ARRDC4: variants seen among roughly 807,000 people sequenced by gnomAD.
The protein encoded by ARRDC4 is arrestin domain-containing protein 4.
Under a neutral mutation model 44.6 loss-of-function variants are expected in ARRDC4, and 40 were observed. The observed-to-expected ratio is 0.90, with a 90% CI of 0.70 to 1.17. The LOEUF is 1.17. ARRDC4 is among the 50% of genes most tolerant of loss of function. The pLI is 0.00. For synonymous variants in ARRDC4, 211 were observed against 221.2 expected (o/e 0.95, Z 0.41); for missense variants, 550 against 559.1 (o/e 0.98, Z 0.16).
chr15:97,970,180 A>G lies in ARRDC4; in HGVS notation c.1045+135A>G, dbSNP rs576163386. 11 of 1,016,878 alleles carry G rather than the reference A, an allele frequency of 1.1e-5. No individual in the cohort carries two copies. The African/African-American group carries it at 1.3e-4, about 12-fold the overall frequency. 63.0% of individuals were successfully genotyped at this position (1,016,878 alleles called of 1,614,324 possible). A position where few individuals can be genotyped will look rare whatever the true frequency, so the allele number is the denominator to read the frequency against. On this transcript the variant is annotated intron_variant, in intron 6 of 7. Coordinates refer to ENST00000268042, the MANE Select transcript of ARRDC4 (RefSeq NM_183376.3). The surrounding 1 kb of genome is among the most constrained non-coding windows in gnomAD (Gnocchi z 4.2). Reference sequence around the variant, plus strand: ...GTATCTTTATTCCTACTACTAAAAAATCAGAAAGCATTAGTCCTGGGAGGG... The same window carrying G: ...GTATCTTTATTCCTACTACTAAAAAGTCAGAAAGCATTAGTCCTGGGAGGG...
At position 97,961,124 on chromosome 15, in the gene ARRDC4, T is replaced by G. The variant is rs760570731; in HGVS notation, c.263T>G (p.Val88Gly). 103 of 1,457,544 alleles carry G rather than the reference T, an allele frequency of 7.1e-5. No individual in the cohort carries two copies. In the East Asian group the frequency reaches 2.9e-3, roughly 41 times the overall value. 90.3% of individuals were successfully genotyped at this position (1,457,544 alleles called of 1,614,324 possible). ...GCGGCCCTGGCTGTCTTCTCGGAGG[T>G]GGAGTACCTGAACGTGCGCCTCAGC... ...STAALAVFSE[V>G]EYLNVRLSLR... Residue 88 changes from valine (V) to glycine (G), a missense_variant, in exon 1 of 8, where the codon GTG becomes GGG. Val to Gly is a moderately radical substitution (Grantham distance 109). Coordinates refer to ENST00000268042, the MANE Select transcript of ARRDC4 (RefSeq NM_183376.3).
rs1445233617 is a variant in ARRDC4 at position 97,965,708 on chromosome 15, G to A, written c.374+42G>A. 1.3e-6 allele frequency: 2 copies of A among 1,571,246 alleles called. No individual in the cohort carries two copies. Among genetic ancestry groups the A allele is most frequent in the Non-Finnish European group, 1.8e-6 (2 of 1,141,310 alleles). ...AATTTTGTGGTTATCCTTCTCTGCA[G>A]TATGTCCATTCAAGTTTATCACTGC... On this transcript the variant is annotated intron_variant, in intron 2 of 7. Coordinates refer to ENST00000268042, the MANE Select transcript of ARRDC4 (RefSeq NM_183376.3). The surrounding 1 kb of genome is among the most constrained non-coding windows in gnomAD (Gnocchi z 5.1).
chr15:97,963,648 T>C (rs1899363781), intron 1 of ARRDC4, among the ~76,000 whole-genome samples: 1 of 152,216 alleles, frequency 6.6e-6, no homozygotes, highest in African/African-American at 2.4e-5. Flanking sequence ...TGTTCCTATG[T>C]GGGTGCTCTA....
chr15:97,962,082 C>T (rs549790728), intron 1 of ARRDC4, among the ~76,000 whole-genome samples: 19 of 152,298 alleles, frequency 1.2e-4, no homozygotes, highest in Admixed American at 4.6e-4. Flanking sequence ...TACGTTTTTG[C>T]CATGAGCTTT....
In ARRDC4 at chr15:97,966,150, G is replaced by C; in HGVS notation, c.522+108G>C. ...AGCCAGTTTACTGGTAGTCTGTCCTGTCACTTTCTGATGGCTTGGAAAACA... is the reference window on the plus strand; with the variant it reads ...AGCCAGTTTACTGGTAGTCTGTCCTCTCACTTTCTGATGGCTTGGAAAACA... On this transcript the variant is annotated intron_variant, in intron 3 of 7. Transcript: ENST00000268042. This position sits in a 1 kb window ranked among gnomAD's most constrained non-coding sequence, Gnocchi z 4.7. The C allele has an allele frequency of 4.8e-6, 6 of 1,262,732 alleles. No homozygotes were observed. Among genetic ancestry groups the C allele is most frequent in the Non-Finnish European group, 4.4e-6 (4 of 915,538 alleles). The allele number at this position is 1,262,732 out of a possible 1,614,324, so 78.2% of individuals were successfully genotyped here. A position where few individuals can be genotyped will look rare whatever the true frequency, so the allele number is the denominator to read the frequency against.
chr15:97,963,164 C>T (rs1899350637), intron 1 of ARRDC4, among the ~76,000 whole-genome samples: 1 of 152,170 alleles, frequency 6.6e-6, no homozygotes, highest in Non-Finnish European at 1.5e-5. Context: ...CTCATCAAAA[C>T]CTTTAATTAT....
At position 97,960,816 on chromosome 15, in the gene ARRDC4, C is replaced by G. The variant is rs1248474115; in HGVS notation, c.-46C>G. ...CGCCGCTGTGCTCGCGACCCCGGCT[C>G]CGGGCCTCTGCCGACCTCAGGGGCA... On this transcript the variant is annotated 5_prime_UTR_variant, in exon 1 of 8. Transcript: ENST00000268042. 1 of 1,264,832 alleles carries G rather than the reference C, an allele frequency of 7.9e-7. No homozygotes were observed. The highest frequency in any genetic ancestry group is 9.9e-7 in the Non-Finnish European group (1 of 1,006,594). 78.4% of individuals were successfully genotyped at this position (1,264,832 alleles called of 1,614,324 possible).
rs1899514388 is a variant in ARRDC4 at position 97,971,478 on chromosome 15, T to C, written c.*291T>C. 3 of 377,596 alleles carry C rather than the reference T, an allele frequency of 7.9e-6. No homozygotes were observed. The South Asian group carries it at 8.1e-5, about 10-fold the overall frequency. The allele number at this position is 377,596 out of a possible 1,614,324, so 23.4% of individuals were successfully genotyped here. A position where few individuals can be genotyped will look rare whatever the true frequency, so the allele number is the denominator to read the frequency against. On this transcript the variant is annotated 3_prime_UTR_variant, in exon 8 of 8. Coordinates refer to ENST00000268042, the MANE Select transcript of ARRDC4 (RefSeq NM_183376.3). The stretch of plus-strand genomic sequence containing the variant: ...GTTACAGAGTAAGTGAAAGGGTGCC[T>C]GCGCTGACGTGAGAGAAAGGAATCT...
At position 97,971,167 on chromosome 15, in the gene ARRDC4, C is replaced by G; in HGVS notation, c.1237C>G (p.Pro413Ala). 6.2e-7 allele frequency: 1 copy of G among 1,613,320 alleles called. No homozygotes were observed. The highest frequency in any genetic ancestry group is 2.2e-5 in the East Asian group (1 of 44,876). ...PHPSDVEESQ[P>A]VSFIL ...TCCTAGCGACGTAGAAGAGAGCCAG[C>G]CTGTTTCCTTCATTCTCTGAACGTA... is the stretch of plus-strand genomic sequence containing the variant. The change falls in exon 8 of 8, where the codon CCT becomes GCT. Residue 413 changes from proline (P) to alanine (A), a missense_variant. Pro to Ala is a conservative substitution (Grantham distance 27). Transcript: ENST00000268042.
In ARRDC4 at chr15:97,964,397, A is replaced by G. The variant is rs1215845113; in HGVS notation, c.308-1203A>G. Among the ~76,000 whole-genome samples, 5 of 152,198 alleles carry G rather than the reference A, an allele frequency of 3.3e-5. No homozygotes were observed. The East Asian group carries it at 7.7e-4, about 24-fold the overall frequency. Reference sequence around the variant, plus strand: ...CCGATTTCTTCATCTTATTTATCCTATCCACAATAAGGGAATTCAATATTA... The same window carrying G: ...CCGATTTCTTCATCTTATTTATCCTGTCCACAATAAGGGAATTCAATATTA... On this transcript the variant is annotated intron_variant, in intron 1 of 7. Coordinates refer to ENST00000268042, the MANE Select transcript of ARRDC4 (RefSeq NM_183376.3).
In ARRDC4 at chr15:97,966,194, G is replaced by A; in HGVS notation, c.522+152G>A. On this transcript the variant is annotated intron_variant, in intron 3 of 7. Coordinates refer to ENST00000268042, the MANE Select transcript of ARRDC4 (RefSeq NM_183376.3). This position sits in a 1 kb window ranked among gnomAD's most constrained non-coding sequence, Gnocchi z 4.7. ...GAAAACACAATCTTGTAACCCAAAG[G>A]CATTCACTATAAATATATGATTCTA... is the stretch of plus-strand genomic sequence containing the variant. 1 of 870,454 alleles carries A rather than the reference G, an allele frequency of 1.1e-6. No individual in the cohort carries two copies. The highest frequency in any genetic ancestry group is 1.7e-5 in the African/African-American group (1 of 58,748). 53.9% of individuals were successfully genotyped at this position (870,454 alleles called of 1,614,324 possible).
chr15:97,961,062 G>C lies in ARRDC4; in HGVS notation c.201G>C (p.Trp67Cys). 1 of 1,429,170 alleles carries C rather than the reference G, an allele frequency of 7.0e-7. No individual in the cohort carries two copies. The highest frequency in any genetic ancestry group is 9.1e-7 in the Non-Finnish European group (1 of 1,096,812). 88.5% of individuals were successfully genotyped at this position (1,429,170 alleles called of 1,614,324 possible). A position where few individuals can be genotyped will look rare whatever the true frequency, so the allele number is the denominator to read the frequency against. ...CCCAGGGGCGCGCCACCGCCGCCTG[G>C]GGCCCGAGCACCTGCCCCCGCGCCT... is the stretch of plus-strand genomic sequence containing the variant. The part of the protein sequence containing the change: ...LEAQGRATAA[W>C]GPSTCPRASA... The change falls in exon 1 of 8, where the codon TGG (tryptophan) becomes TGC (cysteine). Residue 67 changes from tryptophan (W) to cysteine (C), a missense_variant. By Grantham distance (215) the Trp-to-Cys change is radical. Transcript: ENST00000268042.
At chr15:97,963,297 T>G (rs1285631029) in intron 1 of ARRDC4, among the ~76,000 whole-genome samples, 3 of 152,230 alleles carry the variant, frequency 2.0e-5, no homozygotes, top group Non-Finnish European at 4.4e-5. Context: ...TGGTTCAGCT[T>G]GTGAACCTTT....
rs1172212652 is a variant in ARRDC4, at chr15:97,960,850, T to C, written c.-12T>C. 2 of 1,334,250 alleles carry C rather than the reference T, an allele frequency of 1.5e-6. No homozygotes were observed. The highest frequency in any genetic ancestry group is 1.9e-6 in the Non-Finnish European group (2 of 1,038,070). 82.7% of individuals were successfully genotyped at this position (1,334,250 alleles called of 1,614,324 possible). ...TGCCGACCTCAGGGGCAGGAAAGAG[T>C]CGCCCGGCGGGATGGGCGGGGAGGC... On this transcript the variant is annotated 5_prime_UTR_variant, in exon 1 of 8. Coordinates refer to ENST00000268042, the MANE Select transcript of ARRDC4 (RefSeq NM_183376.3).
In ARRDC4 at chr15:97,970,840, A is replaced by G; in HGVS notation, c.1200+97A>G. 2 of 1,362,290 alleles carry G rather than the reference A, an allele frequency of 1.5e-6. No individual in the cohort carries two copies. Among genetic ancestry groups the G allele is most frequent in the Non-Finnish European group, 2.0e-6 (2 of 991,992 alleles). The allele number at this position is 1,362,290 out of a possible 1,614,324, so 84.4% of individuals were successfully genotyped here. Reference sequence around the variant, plus strand: ...TTAGAGTGTCTGTTGCTGACTCATAATTAGTAAGGGATACATTTAAATTTG... The same window carrying G: ...TTAGAGTGTCTGTTGCTGACTCATAGTTAGTAAGGGATACATTTAAATTTG... On this transcript the variant is annotated intron_variant, in intron 7 of 7. Coordinates refer to ENST00000268042, the MANE Select transcript of ARRDC4 (RefSeq NM_183376.3). The surrounding 1 kb of genome is among the most constrained non-coding windows in gnomAD (Gnocchi z 4.2).
intron 1 of ARRDC4, among the ~76,000 whole-genome samples, chr15:97,962,181 A>G (rs990392698): frequency 2.0e-5 from 3 of 152,190 alleles, no homozygotes; most frequent in African/African-American, 4.8e-5. Context: ...ACAAAATATA[A>G]TAGAATATGT....
chr15:97,970,195 T>G lies in ARRDC4; in HGVS notation c.1045+150T>G. On this transcript the variant is annotated intron_variant, in intron 6 of 7. Coordinates refer to ENST00000268042, the MANE Select transcript of ARRDC4 (RefSeq NM_183376.3). This position sits in a 1 kb window ranked among gnomAD's most constrained non-coding sequence, Gnocchi z 4.2. ...CTACTAAAAAATCAGAAAGCATTAG[T>G]CCTGGGAGGGACTTTGAAAGTTTAG... The G allele has an allele frequency of 1.0e-6, 1 of 956,608 alleles. No individual in the cohort carries two copies. Among genetic ancestry groups the G allele is most frequent in the Non-Finnish European group, 1.5e-6 (1 of 684,210 alleles). 59.3% of individuals were successfully genotyped at this position (956,608 alleles called of 1,614,324 possible).
Position 97,969,335 on chromosome 15 carries a change from T to A in ARRDC4, c.838T>A (p.Ser280Thr), listed in dbSNP as rs1167282360. The A allele has an allele frequency of 6.2e-7, 1 of 1,613,734 alleles. No homozygotes were observed. The highest frequency in any genetic ancestry group is 8.5e-7 in the Non-Finnish European group (1 of 1,179,822). ...KTLKIPPVTP[S>T]ILDCCIIRVD... ...GCTAAAAATCCCACCTGTTACTCCA[T>A]CCATCCTGGATTGCTGCATTATCAG... is the stretch of plus-strand genomic sequence containing the variant. The change falls in exon 5 of 8, where the codon TCC (serine) becomes ACC (threonine). Residue 280 changes from serine (S) to threonine (T), a missense_variant. Ser to Thr is a moderately conservative substitution (Grantham distance 58). Transcript: ENST00000268042.
Position 97,970,693 on chromosome 15 carries a change from T to G in ARRDC4, c.1150T>G (p.Phe384Val). 3 of 1,613,580 alleles carry G rather than the reference T, an allele frequency of 1.9e-6. No homozygotes were observed. Among genetic ancestry groups the G allele is most frequent in the Non-Finnish European group, 2.5e-6 (3 of 1,179,650 alleles). Residue 384 changes from phenylalanine to valine, a missense_variant, in exon 7 of 8, where the codon TTT becomes GTT. By Grantham distance (50) the Phe-to-Val change is conservative. Coordinates refer to ENST00000268042, the MANE Select transcript of ARRDC4 (RefSeq NM_183376.3). This position sits in a 1 kb window ranked among gnomAD's most constrained non-coding sequence, Gnocchi z 4.2. Reference protein sequence around the residue: ...NCEGEVCCPVFACIQEFRFQP... With the variant: ...NCEGEVCCPVVACIQEFRFQP... ...TGAGGGAGAAGTGTGCTGTCCTGTGTTTGCCTGTATACAAGAATTCCGGTT... is the reference window on the plus strand; with the variant it reads ...TGAGGGAGAAGTGTGCTGTCCTGTGGTTGCCTGTATACAAGAATTCCGGTT...
Sources: gnomAD v4.1 joint callset for allele counts (sites outside exome capture counted in the v4.1 genomes callset) on GRCh38, gnomAD v4.1.1 for gene constraint, Gnocchi (gnomAD v3.1) non-coding constraint, MANE v1.5 for transcripts, NCBI Gene and HGNC (gene_info 2026-07-23, HGNC 2026-07-21) for gene names.